Variants in APPL2 observed in about 807,000 individuals in gnomAD.
APPL2 encodes adaptor protein, phosphotyrosine interacting with PH domain and leucine zipper 2.
A neutral mutation model predicts 92.7 loss-of-function variants in APPL2; 84 were observed. That is an observed-to-expected ratio of 0.91 (90% CI 0.76 to 1.09). The LOEUF (loss-of-function observed/expected upper bound fraction) is 1.09, where lower values mean the gene tolerates loss of function less well. APPL2 is among the 50% of genes least tolerant of loss of function. The probability of loss-of-function intolerance (pLI) is 0.00; values close to 1 mark genes in which losing one functional copy is unlikely to be tolerated. For missense variants in APPL2, 736 were observed against 824.5 expected (o/e 0.89, Z 1.31); for synonymous variants, 291 against 291.0 (o/e 1.00, Z 0.00).
intron 4 of APPL2, among the ~76,000 whole-genome samples, chr12:105,212,679 T>C (rs1889323636): frequency 6.6e-6 from 1 of 152,236 alleles, no homozygotes; most frequent in Non-Finnish European, 1.5e-5. Context: ...GCTGGGTGAC[T>C]AAGGGGAAAT....
At chr12:105,214,286 T>C (rs1889465831) in intron 4 of APPL2, among the ~76,000 whole-genome samples, 1 of 152,244 alleles carries the variant, frequency 6.6e-6, no homozygotes, top group Admixed American at 6.5e-5. Context: ...TGGTTGTAAG[T>C]AAATATTTTA....
intron 11 of APPL2, among the ~76,000 whole-genome samples, chr12:105,197,225 C>G (rs1887728831): frequency 6.6e-6 from 1 of 152,178 alleles, no homozygotes. Context: ...ATGGCCACAG[C>G]CTGCGGATTG....
intron 4 of APPL2, among the ~76,000 whole-genome samples, chr12:105,212,805 G>C (rs573017210): frequency 6.6e-6 from 1 of 152,196 alleles, no homozygotes; most frequent in African/African-American, 2.4e-5. Flanking sequence ...CTGGTCCTTC[G>C]AGGCTGTGGC....
chr12:105,207,863 TAAAAA>T, intron 7 of APPL2, 103 bp downstream of exon 7: 1 of 802,270 alleles, frequency 1.2e-6, no homozygotes, highest in Non-Finnish European at 1.9e-6. Context: ...CATGTATAGT[TAAAAA>T]AAAAAATAAC....
chr12:105,217,735 G>A lies in APPL2; in HGVS notation c.154-10C>T. The A allele has an allele frequency of 6.2e-7, 1 of 1,612,958 alleles. No individual in the cohort carries two copies. Among genetic ancestry groups the A allele is most frequent in the South Asian group, 1.1e-5 (1 of 90,974 alleles). On this transcript the variant is annotated splice_polypyrimidine_tract_variant and intron_variant, in intron 2 of 20. Transcript: ENST00000258530. ...CCAGGCACATCTCATTCTGTGGAGAGAAGAGAAAAAGCAAGTAAGATTAGT... is the reference window on the plus strand; with the variant it reads ...CCAGGCACATCTCATTCTGTGGAGAAAAGAGAAAAAGCAAGTAAGATTAGT...
In APPL2 at chr12:105,193,576, C is replaced by T. The variant is rs559707291; in HGVS notation, c.1241+1685G>A. On this transcript the variant is annotated intron_variant, in intron 14 of 20. Transcript: ENST00000258530. The stretch of plus-strand genomic sequence containing the variant: ...AGGAGAAGGCTACGGGATTAACCCT[C>T]GCTGACTGGATCTTTAGTTCCACTT... Among the ~76,000 whole-genome samples, 3 of 152,334 alleles carry T rather than the reference C, an allele frequency of 2.0e-5. No homozygotes were observed. In the East Asian group the frequency reaches 5.8e-4, roughly 29 times the overall value.
chr12:105,189,693 CATG>C, intron 16 of APPL2, 76 bp downstream of exon 16: 1 of 1,447,328 alleles, frequency 6.9e-7, no homozygotes. Flanking sequence ...CTCTCTAAAA[CATG>C]ATTTCACATC....
intron 17 of APPL2, among the ~76,000 whole-genome samples, chr12:105,178,695 T>C (rs952468907): frequency 3.9e-5 from 6 of 152,202 alleles, no homozygotes; most frequent in African/African-American, 1.4e-4. Flanking sequence ...TTACAACTGG[T>C]TCATCTGTAA....
chr12:105,178,490 C>A (rs1269149501), intron 17 of APPL2, among the ~76,000 whole-genome samples: 5 of 152,116 alleles, frequency 3.3e-5, no homozygotes, highest in Admixed American at 2.0e-4. Flanking sequence ...TACTAGAAAC[C>A]ACTGAATTGT....
chr12:105,234,528 T>C (rs1206053414), intron 1 of APPL2, among the ~76,000 whole-genome samples: 1 of 152,220 alleles, frequency 6.6e-6, no homozygotes, highest in Non-Finnish European at 1.5e-5. Flanking sequence ...TATGATCTGT[T>C]TGTGAGGACA....
chr12:105,183,454 G>A (rs931369411), intron 17 of APPL2, among the ~76,000 whole-genome samples: 2 of 152,100 alleles, frequency 1.3e-5, no homozygotes, highest in Admixed American at 1.3e-4. Flanking sequence ...CAGGTGTGGT[G>A]GTGACAACAT....
intron 9 of APPL2, among the ~76,000 whole-genome samples, chr12:105,203,000 A>G (rs879568493): frequency 1.4e-5 from 2 of 146,342 alleles, no homozygotes; most frequent in African/African-American, 2.6e-5. Context: ...CATTTTGTCT[A>G]TTTGTCAACT....
intron 2 of APPL2, 135 bp from the exon 3 acceptor site, chr12:105,217,860 T>A (rs1415549191): frequency 1.4e-6 from 1 of 716,340 alleles, no homozygotes; most frequent in African/African-American, 1.8e-5. Flanking sequence ...CCTAGTACTT[T>A]GGGAGATTGA....
rs375370729 is a variant in APPL2 at position 105,197,806 on chromosome 12, G to C, written c.1011C>G (p.Asp337Glu). 1 of 1,614,156 alleles carries C rather than the reference G, an allele frequency of 6.2e-7. No individual in the cohort carries two copies. The highest frequency in any genetic ancestry group is 8.5e-7 in the Non-Finnish European group (1 of 1,180,036). Reference protein sequence around the residue: ...NCSVMAVDCEDRRYCFQITTP... With the variant: ...NCSVMAVDCEERRYCFQITTP... ...TGGTGATCTGGAAGCAGTAGCGCCG[G>C]TCTTCGCAATCCACGGCCATCACTG... Residue 337 changes from aspartate (D) to glutamate (E), a missense_variant, in exon 11 of 21, where the codon GAC becomes GAG. Transcript: ENST00000258530.
intron 2 of APPL2, among the ~76,000 whole-genome samples, chr12:105,223,394 A>G (rs1430223698): frequency 6.6e-6 from 1 of 152,174 alleles, no homozygotes; most frequent in Admixed American, 6.5e-5. Flanking sequence ...CTCGCCAGAG[A>G]AGGATTCCAA....
chr12:105,200,354 C>T (rs898642579), intron 9 of APPL2, among the ~76,000 whole-genome samples: 4 of 152,220 alleles, frequency 2.6e-5, no homozygotes, highest in Non-Finnish European at 4.4e-5. Context: ...GGAAGTGGTA[C>T]TAAGGTGCAA....
rs1887078366 is a variant in APPL2 at position 105,190,146 on chromosome 12, C to G, written c.1251G>C (p.Leu417=). 3 of 1,613,460 alleles carry G rather than the reference C, an allele frequency of 1.9e-6. No individual in the cohort carries two copies. Among genetic ancestry groups the G allele is most frequent in the Non-Finnish European group, 2.5e-6 (3 of 1,179,860 alleles). The stretch of plus-strand genomic sequence containing the variant: ...TTTCATTTTCCATCTCTGAATTTTT[C>G]AGGTTCTGGCTGAAGGGGAAAAAAA... ...KQESSCPSQN[L]KNSEMENEND... Residue 417 remains leucine, a synonymous_variant, in exon 15 of 21, where the codon CTG becomes CTC. Coordinates refer to ENST00000258530, the MANE Select transcript of APPL2 (RefSeq NM_018171.5).
chr12:105,187,856 GA>G (rs1886864314), intron 17 of APPL2, among the ~76,000 whole-genome samples: 1 of 151,850 alleles, frequency 6.6e-6, no homozygotes, highest in African/African-American at 2.4e-5. Context: ...CGTATTACCT[GA>G]AACACTAAAT....
Position 105,236,053 on chromosome 12 carries a change from G to A in APPL2, c.-41C>T, listed in dbSNP as rs1203808773. 15 of 1,223,888 alleles carry A rather than the reference G, an allele frequency of 1.2e-5. No individual in the cohort carries two copies. The highest frequency in any genetic ancestry group is 1.6e-5 in the African/African-American group (1 of 63,680). The allele number at this position is 1,223,888 out of a possible 1,614,324, so 75.8% of individuals were successfully genotyped here. ...AGCCGAGGGCTGGGTTGGAAGGACAGAGGGCAGGAGACGCGGCGGCCGAGA... is the reference window on the plus strand; with the variant it reads ...AGCCGAGGGCTGGGTTGGAAGGACAAAGGGCAGGAGACGCGGCGGCCGAGA... On this transcript the variant is annotated 5_prime_UTR_variant, in exon 1 of 21. Coordinates refer to ENST00000258530, the MANE Select transcript of APPL2 (RefSeq NM_018171.5).
Sources: allele counts gnomAD v4.1 joint callset (sites outside exome capture counted in the v4.1 genomes callset), GRCh38; gene constraint gnomAD v4.1.1; transcripts MANE v1.5; gene names NCBI Gene and HGNC (gene_info 2026-07-23, HGNC 2026-07-21).